Variants in CRADD observed in about 807,000 individuals in gnomAD.
CRADD encodes the protein death domain-containing protein CRADD.
A neutral mutation model predicts 15.5 loss-of-function variants in CRADD; 9 were observed. The ratio of observed to expected loss-of-function variants is 0.58; its 90% CI spans 0.35 to 1.01. CRADD has a LOEUF of 1.01. CRADD is among the 50% of genes least tolerant of loss of function. CRADD has a pLI of 0.02. For missense variants in CRADD, 227 were observed against 250.3 expected (o/e 0.91, Z 0.63); for synonymous variants, 118 against 107.6 (o/e 1.10, Z -0.60).
At chr12:93,684,329 G>C (rs1380055430) in intron 2 of CRADD, among the ~76,000 whole-genome samples, 1 of 152,140 alleles carries the variant, frequency 6.6e-6, no homozygotes, top group South Asian at 2.1e-4. Flanking sequence ...ATTATTACCA[G>C]GCATTAGATT....
At chr12:93,746,430 A>G (rs1029484280) in intron 2 of CRADD, among the ~76,000 whole-genome samples, 31 of 152,238 alleles carry the variant, frequency 2.0e-4, no homozygotes, top group Admixed American at 1.8e-3. Context: ...GAGTGGTCCA[A>G]GAAGATTGGC....
intron 2 of CRADD, among the ~76,000 whole-genome samples, chr12:93,783,847 A>G (rs952511577): frequency 5.9e-5 from 9 of 152,298 alleles, no homozygotes; most frequent in East Asian, 5.8e-4. Flanking sequence ...TTGTGCCACT[A>G]TTTTGTTTAC....
intron 2 of CRADD, among the ~76,000 whole-genome samples, chr12:93,825,856 C>T (rs1354237721): frequency 6.6e-6 from 1 of 152,212 alleles, no homozygotes; most frequent in Non-Finnish European, 1.5e-5. Flanking sequence ...GGCAACATGG[C>T]CTCCTCCTTC....
intron 2 of CRADD, among the ~76,000 whole-genome samples, chr12:93,761,107 G>C (rs1181591756): frequency 5.9e-5 from 9 of 152,150 alleles, no homozygotes; most frequent in African/African-American, 2.2e-4. Flanking sequence ...CAGCCATTGA[G>C]GTGGCTCAGG....
At chr12:93,817,043 G>A (rs533745105) in intron 2 of CRADD, among the ~76,000 whole-genome samples, 1 of 152,272 alleles carries the variant, frequency 6.6e-6, no homozygotes, top group South Asian at 2.1e-4. Context: ...TACAAATATA[G>A]TATTTTTAAA....
intron 2 of CRADD, among the ~76,000 whole-genome samples, chr12:93,755,042 G>C (rs1008640302): frequency 2.3e-4 from 35 of 152,104 alleles, no homozygotes; most frequent in Non-Finnish European, 3.5e-4. Context: ...GAAGGTGAAG[G>C]AGGAGCAAAG....
At position 93,678,179 on chromosome 12, in the gene CRADD, AAAC is replaced by A. The variant is rs149523031; in HGVS notation, c.-6-584_-6-582del. On this transcript the variant is annotated intron_variant, in intron 1 of 2. Coordinates refer to ENST00000332896, the MANE Select transcript of CRADD (RefSeq NM_003805.5). Reference sequence around the variant, plus strand: ...GTAAAGTTTATTGTAGACTGGGCACAAACAACAATTTTCTTAAAGGTGATCGTG... The same window carrying A: ...GTAAAGTTTATTGTAGACTGGGCACAAACAATTTTCTTAAAGGTGATCGTG... Among the ~76,000 whole-genome samples the A allele has an allele frequency of 2.6e-5, 4 of 152,382 alleles. No homozygotes were observed. In the East Asian group the frequency reaches 5.8e-4, roughly 22 times the overall value.
At chr12:93,756,447 A>G (rs1030800287) in intron 2 of CRADD, among the ~76,000 whole-genome samples, 13 of 152,328 alleles carry the variant, frequency 8.5e-5, no homozygotes, top group Admixed American at 6.5e-4. Flanking sequence ...GGCCCTGGTG[A>G]ACTGGACCAG....
chr12:93,878,866 T>A (rs1206160024), intron 2 of CRADD, among the ~76,000 whole-genome samples: 1 of 152,214 alleles, frequency 6.6e-6, no homozygotes, highest in Non-Finnish European at 1.5e-5. Flanking sequence ...CCAGGTACTA[T>A]GAGGGCTCAC....
At chr12:93,697,348 T>G (rs1055165792) in intron 2 of CRADD, among the ~76,000 whole-genome samples, 1 of 152,220 alleles carries the variant, frequency 6.6e-6, no homozygotes, top group African/African-American at 2.4e-5. Flanking sequence ...GAGGACACAG[T>G]GTTAACCTCT....
intron 2 of CRADD, among the ~76,000 whole-genome samples, chr12:93,743,510 T>C (rs1426675538): frequency 1.3e-5 from 2 of 152,184 alleles, no homozygotes; most frequent in African/African-American, 2.4e-5. Flanking sequence ...TTGTATTTTT[T>C]AGTAAAGATT....
At chr12:93,865,723 C>T (rs2137062509) in intron 2 of CRADD, among the ~76,000 whole-genome samples, 1 of 152,314 alleles carries the variant, frequency 6.6e-6, no homozygotes, top group East Asian at 1.9e-4. Flanking sequence ...TACTTTAAAT[C>T]TTCTCTAGGT....
intron 2 of CRADD, among the ~76,000 whole-genome samples, chr12:93,887,586 G>A (rs144890948): frequency 1.2e-3 from 183 of 152,304 alleles, no homozygotes; most frequent in African/African-American, 4.1e-3. Context: ...GTTAATAGTC[G>A]GTTCTTGGTA....
chr12:93,775,589 G>C (rs1277000476), intron 2 of CRADD, among the ~76,000 whole-genome samples: 1 of 151,978 alleles, frequency 6.6e-6, no homozygotes, highest in Admixed American at 6.6e-5. Context: ...GGGATCGAAT[G>C]GAAGTTTTAT....
intron 2 of CRADD, among the ~76,000 whole-genome samples, chr12:93,784,063 T>A (rs944484116): frequency 1.3e-5 from 2 of 152,266 alleles, no homozygotes; most frequent in Admixed American, 1.3e-4. Context: ...TTAGTGCGAC[T>A]TTCCAAAACA....
intron 2 of CRADD, among the ~76,000 whole-genome samples, chr12:93,736,131 C>G (rs1956564116): frequency 6.6e-6 from 1 of 151,930 alleles, no homozygotes; most frequent in African/African-American, 2.4e-5. Flanking sequence ...TTTTTTGCTT[C>G]TTTCCCTTTG....
At chr12:93,801,181 G>C (rs1262884835) in intron 2 of CRADD, among the ~76,000 whole-genome samples, 7 of 152,134 alleles carry the variant, frequency 4.6e-5, no homozygotes, top group Non-Finnish European at 8.8e-5. Flanking sequence ...TTTTCACCTT[G>C]ATCTTTCCAT....
intron 2 of CRADD, among the ~76,000 whole-genome samples, chr12:93,763,068 A>C (rs1201762613): frequency 2.6e-5 from 4 of 152,214 alleles, no homozygotes; most frequent in African/African-American, 9.6e-5. Flanking sequence ...ACTATGCTAG[A>C]ACTTCACATC....
intron 2 of CRADD, among the ~76,000 whole-genome samples, chr12:93,796,627 T>A (rs985924076): frequency 6.6e-6 from 1 of 150,438 alleles, no homozygotes; most frequent in African/African-American, 2.4e-5. Context: ...GCCATCTGGA[T>A]AATACATATT....
Sources: gnomAD v4.1 joint callset for allele counts (sites outside exome capture counted in the v4.1 genomes callset) on GRCh38, gnomAD v4.1.1 for gene constraint, MANE v1.5 for transcripts, NCBI Gene and HGNC (gene_info 2026-07-23, HGNC 2026-07-21) for gene names.